The following PCDHGA6 variants were observed in gnomAD, a reference collection of about 807,000 sequenced individuals.
PCDHGA6 encodes protocadherin gamma-A6.
A neutral mutation model predicts 60.6 loss-of-function variants in PCDHGA6; 41 were observed. The ratio of observed to expected loss-of-function variants is 0.68; its 90% CI spans 0.53 to 0.88. The LOEUF (loss-of-function observed/expected upper bound fraction) is 0.88. Ranked by LOEUF, PCDHGA6 falls within the 40% of genes least tolerant of loss-of-function variation. The pLI is 0.00. For synonymous variants in PCDHGA6, 594 were observed against 524.4 expected, an observed-to-expected ratio of 1.13 and a Z score of -1.81; for missense variants, 1,312 against 1,203.0, an observed-to-expected ratio of 1.09 and a Z score of -1.34.
chr5:141,390,358 G>A lies in PCDHGA6; in HGVS notation c.2424+13851G>A, dbSNP rs934109377. ...TATTCACAAGAAAATATACATATTT[G>A]CAGGAAAATATATAATTTTTAGATG... is the stretch of plus-strand genomic sequence containing the variant. On this transcript the variant is annotated intron_variant, in intron 1 of 3. Coordinates refer to ENST00000517434, the MANE Select transcript of PCDHGA6 (RefSeq NM_018919.3). The A allele has an allele frequency of 3.9e-6, 6 of 1,540,796 alleles. No homozygotes were observed. In the African/African-American group the frequency reaches 8.3e-5, roughly 21 times the overall value.
intron 1 of PCDHGA6, chr5:141,389,708 G>A: frequency 6.2e-7 from 1 of 1,612,610 alleles, no homozygotes; most frequent in South Asian, 1.1e-5. Context: ...ACGTGCTGCA[G>A]GCTAGCGAGC....
chr5:141,421,741 C>A lies in PCDHGA6; in HGVS notation c.2424+45234C>A. 3 of 1,613,902 alleles carry A rather than the reference C, an allele frequency of 1.9e-6. No individual in the cohort carries two copies. The South Asian group carries it at 3.3e-5, about 18-fold the overall frequency. ...GGGCGTGAACTCCCTCCAGAGCTAC[C>A]AGCTCAGCCCTAATAATTACTTTTC... On this transcript the variant is annotated intron_variant, in intron 1 of 3. Transcript: ENST00000517434.
At chr5:141,423,745 C>A (rs561499055) in intron 1 of PCDHGA6, 2 of 605,688 alleles carry the variant, frequency 3.3e-6, no homozygotes, top group Non-Finnish European at 4.0e-6. Context: ...GTTATGAAAA[C>A]TGTTTGGGGG....
rs749415234 is a variant in PCDHGA6 at position 141,419,462 on chromosome 5, C to G, written c.2424+42955C>G. 9 of 1,612,582 alleles carry G rather than the reference C, an allele frequency of 5.6e-6. 1 individual carries two copies. The highest frequency in any genetic ancestry group is 1.7e-5 in the Admixed American group (1 of 59,984). On this transcript the variant is annotated intron_variant, in intron 1 of 3. Transcript: ENST00000517434. ...CACCTTCGAGCTCACGCTGCAGGCC[C>G]GCGACCAGGGCTCGCCCGCGCTCAG... is the stretch of plus-strand genomic sequence containing the variant.
At chr5:141,384,447 G>T in intron 1 of PCDHGA6, 1 of 1,614,008 alleles carries the variant, frequency 6.2e-7, no homozygotes, top group African/African-American at 1.3e-5. Flanking sequence ...TCCTGTACGC[G>T]CTGCAATCCT....
At chr5:141,404,347 C>T (rs1451476815) in intron 1 of PCDHGA6, 6 of 1,613,796 alleles carry the variant, frequency 3.7e-6, no homozygotes, top group African/African-American at 2.7e-5. Context: ...CGGAAAACAA[C>T]GCCAGAGGTA....
chr5:141,483,946 T>C (rs374723616), intron 1 of PCDHGA6, among the ~76,000 whole-genome samples: 127 of 148,696 alleles, frequency 8.5e-4, no homozygotes, highest in Non-Finnish European at 1.5e-3. Flanking sequence ...ACGGTGTGAA[T>C]TGTGTTGTGT....
In PCDHGA6 at chr5:141,486,563, G is replaced by A. The variant is rs558244990; in HGVS notation, c.2425-8244G>A. The A allele has an allele frequency of 1.2e-6, 2 of 1,614,006 alleles. No homozygotes were observed. The highest frequency in any genetic ancestry group is 1.7e-6 in the Non-Finnish European group (2 of 1,180,036). On this transcript the variant is annotated intron_variant, in intron 1 of 3. Coordinates refer to ENST00000517434, the MANE Select transcript of PCDHGA6 (RefSeq NM_018919.3). The surrounding 1 kb of genome is among the most constrained non-coding windows in gnomAD (Gnocchi z 5.0). ...CTTTCAGAGGTCACATGAGGTGTTTGTTCCTGAGAACAATCGCCCAGGGGA... is the reference window on the plus strand; with the variant it reads ...CTTTCAGAGGTCACATGAGGTGTTTATTCCTGAGAACAATCGCCCAGGGGA...
At chr5:141,416,434 A>G (rs2096024040) in intron 1 of PCDHGA6, 1 of 152,222 alleles carries the variant, frequency 6.6e-6, no homozygotes, top group African/African-American at 2.4e-5. Context: ...CTAAGGCTGA[A>G]AGTAAATATG....
chr5:141,475,768 G>A (rs756539564), intron 1 of PCDHGA6, among the ~76,000 whole-genome samples: 5 of 152,280 alleles, frequency 3.3e-5, no homozygotes, highest in South Asian at 2.1e-4. Flanking sequence ...TACTGGCAAG[G>A]CGCTTTGGCT....
chr5:141,478,977 T>G (rs1004184325), intron 1 of PCDHGA6, among the ~76,000 whole-genome samples: 12 of 152,210 alleles, frequency 7.9e-5, no homozygotes, highest in Admixed American at 5.2e-4. Flanking sequence ...TTCAAGTGAT[T>G]GTGACATTTG....
chr5:141,413,051 C>T (rs1316813444), intron 1 of PCDHGA6: 1 of 952,822 alleles, frequency 1.0e-6, no homozygotes, highest in African/African-American at 1.7e-5. Context: ...TGCAGGGAAG[C>T]TCACTCCAGA....
rs771884610 is a variant in PCDHGA6, at chr5:141,491,436, G to T, written c.2425-3371G>T. 1 of 1,614,070 alleles carries T rather than the reference G, an allele frequency of 6.2e-7. No individual in the cohort carries two copies. ...ACGGGGGTGGAGGGCAGTGCTGCAGGCGCCAGGACTCACCCTCCCCGGACT... is the reference window on the plus strand; with the variant it reads ...ACGGGGGTGGAGGGCAGTGCTGCAGTCGCCAGGACTCACCCTCCCCGGACT... On this transcript the variant is annotated intron_variant, in intron 1 of 3. Coordinates refer to ENST00000517434, the MANE Select transcript of PCDHGA6 (RefSeq NM_018919.3). The surrounding 1 kb of genome is among the most constrained non-coding windows in gnomAD (Gnocchi z 6.9).
intron 1 of PCDHGA6, chr5:141,439,807 G>A (rs2098132839): frequency 6.6e-6 from 1 of 152,336 alleles, no homozygotes; most frequent in African/African-American, 2.4e-5. Context: ...AGTTTGAAAA[G>A]GGGCTTATTT....
At chr5:141,380,731 T>C (rs1776694872) in intron 1 of PCDHGA6, among the ~76,000 whole-genome samples, 1 of 152,266 alleles carries the variant, frequency 6.6e-6, no homozygotes, top group Non-Finnish European at 1.5e-5. Flanking sequence ...TTATTTCCTT[T>C]TCTCCAAAGA....
chr5:141,443,274 A>G (rs1259320198), intron 1 of PCDHGA6, among the ~76,000 whole-genome samples: 12 of 151,534 alleles, frequency 7.9e-5, no homozygotes, highest in African/African-American at 1.7e-4. Context: ...TGAGCCCAGG[A>G]GTTTGAGACC....
At chr5:141,506,930 T>C (rs2099857287) in intron 3 of PCDHGA6, among the ~76,000 whole-genome samples, 1 of 152,150 alleles carries the variant, frequency 6.6e-6, no homozygotes, top group African/African-American at 2.4e-5. Context: ...AAACAAACTT[T>C]AGGGGCCTCC....
At chr5:141,398,892 G>A in intron 1 of PCDHGA6, 5 of 1,613,916 alleles carry the variant, frequency 3.1e-6, no homozygotes, top group Non-Finnish European at 4.2e-6. Context: ...GGGAAAACGT[G>A]CCACCAGGCA....
chr5:141,433,168 T>A, intron 1 of PCDHGA6: 6 of 1,613,438 alleles, frequency 3.7e-6, no homozygotes, highest in Non-Finnish European at 3.4e-6. Context: ...CTAAAGACAG[T>A]CATGGGTTAA....
Sources: gnomAD v4.1 joint callset for allele counts (sites outside exome capture counted in the v4.1 genomes callset) on GRCh38, gnomAD v4.1.1 for gene constraint, Gnocchi (gnomAD v3.1) non-coding constraint, MANE v1.5 for transcripts, NCBI Gene and HGNC (gene_info 2026-07-23, HGNC 2026-07-21) for gene names.